Variants in ST3GAL5 observed in about 807,000 individuals in gnomAD.
The protein encoded by ST3GAL5 is lactosylceramide alpha-2,3-sialyltransferase.
ST3GAL5 carries 25 observed loss-of-function variants against 46.1 expected under a neutral mutation model. The observed-to-expected ratio is 0.54, with a 90% CI of 0.40 to 0.76. The LOEUF is 0.76. Ranked by LOEUF, ST3GAL5 falls within the 30% of genes least tolerant of loss-of-function variation. The pLI is 0.00. For missense variants in ST3GAL5, 431 were observed against 521.2 expected, an observed-to-expected ratio of 0.83 and a Z score of 1.69; for synonymous variants, 182 against 192.7, an observed-to-expected ratio of 0.94 and a Z score of 0.46.
intron 2 of ST3GAL5, among the ~76,000 whole-genome samples, chr2:85,861,543 T>C (rs1170648208): frequency 6.6e-6 from 1 of 150,818 alleles, no homozygotes; most frequent in Non-Finnish European, 1.5e-5. Context: ...TGTAACAAAA[T>C]CTGAATCACA....
chr2:85,861,853 A>G (rs1275498294), intron 2 of ST3GAL5, among the ~76,000 whole-genome samples: 1 of 151,902 alleles, frequency 6.6e-6, no homozygotes, highest in Non-Finnish European at 1.5e-5. Flanking sequence ...GACTTGGAGA[A>G]AAGAGCTGAG....
intron 1 of ST3GAL5, among the ~76,000 whole-genome samples, chr2:85,882,480 C>G (rs1687269493): frequency 6.6e-6 from 1 of 152,128 alleles, no homozygotes; most frequent in African/African-American, 2.4e-5. Flanking sequence ...TGGAAACTTA[C>G]CTCTTGTATC....
chr2:85,888,835 G>A lies in ST3GAL5; in HGVS notation c.71C>T (p.Pro24Leu). The A allele has an allele frequency of 1.6e-6, 2 of 1,280,926 alleles. No homozygotes were observed. The highest frequency in any genetic ancestry group is 2.0e-6 in the Non-Finnish European group (2 of 1,013,330). The allele number at this position is 1,280,926 out of a possible 1,614,324, so 79.3% of individuals were successfully genotyped here. Reference protein sequence around the residue: ...LQPRTEAAAAPAGRAMPSEYT... With the variant: ...LQPRTEAAAALAGRAMPSEYT... ...GCTGCGCCACGTACCTCGGCCGGCA[G>A]GTGCCGCCGCTGCCTCGGTCCGCGG... is the stretch of plus-strand genomic sequence containing the variant. The change falls in exon 1 of 7, where the codon CCT becomes CTT. Residue 24 changes from proline (P) to leucine (L), a missense_variant. Coordinates refer to ENST00000638572, the MANE Select transcript of ST3GAL5 (RefSeq NM_003896.4).
intron 1 of ST3GAL5, among the ~76,000 whole-genome samples, chr2:85,877,513 T>C (rs901577447): frequency 2.6e-5 from 4 of 152,238 alleles, no homozygotes; most frequent in African/African-American, 7.2e-5. Flanking sequence ...ATCACAGAAG[T>C]GATCCTGTGC....
In ST3GAL5 at chr2:85,839,781, T is replaced by G. The variant is rs886056389; in HGVS notation, c.*363A>C. The stretch of plus-strand genomic sequence containing the variant: ...CAGGGCCACCATCAAAAGAGTGACC[T>G]CCCCTCTCCTTCCAATTAGTTACCT... On this transcript the variant is annotated 3_prime_UTR_variant, in exon 7 of 7. Transcript: ENST00000638572. 5 of 336,682 alleles carry G rather than the reference T, an allele frequency of 1.5e-5. No homozygotes were observed. Among genetic ancestry groups the G allele is most frequent in the Non-Finnish European group, 5.7e-6 (1 of 174,074 alleles). 20.9% of individuals were successfully genotyped at this position (336,682 alleles called of 1,614,324 possible).
intron 1 of ST3GAL5, 61 bp downstream of exon 1, chr2:85,888,763 G>C: frequency 8.8e-7 from 1 of 1,140,314 alleles, no homozygotes; most frequent in Non-Finnish European, 1.1e-6. Context: ...GAGACAAGTC[G>C]CCGCCGCAGC....
At chr2:85,857,624 G>C (rs1684290636) in intron 3 of ST3GAL5, among the ~76,000 whole-genome samples, 1 of 151,722 alleles carries the variant, frequency 6.6e-6, no homozygotes, top group Non-Finnish European at 1.5e-5. Context: ...AAAATACATA[G>C]AGTTGGGACA....
At chr2:85,867,756 A>T in intron 1 of ST3GAL5, 1 of 724,896 alleles carries the variant, frequency 1.4e-6, no homozygotes, top group East Asian at 2.6e-5. Context: ...AAAATGCAAG[A>T]ATTTGCCGAA....
chr2:85,866,275 T>C (rs1415050385), intron 1 of ST3GAL5: 2 of 152,234 alleles, frequency 1.3e-5, no homozygotes, highest in African/African-American at 4.8e-5. Context: ...AGCCATAAGA[T>C]GAAAACCTGC....
chr2:85,862,952 C>T (rs1573650350), intron 2 of ST3GAL5, among the ~76,000 whole-genome samples: 1 of 152,296 alleles, frequency 6.6e-6, no homozygotes, highest in East Asian at 1.9e-4. Context: ...AAACACCTGT[C>T]ATCATTTTTA....
intron 1 of ST3GAL5, among the ~76,000 whole-genome samples, chr2:85,883,233 T>C (rs113102342): frequency 0.016 from 2,444 of 152,278 alleles, 52 homozygotes; most frequent in African/African-American, 0.056. Flanking sequence ...GGGGAGGTAA[T>C]TGAATCATGG....
chr2:85,856,168 C>T (rs1019003854), intron 3 of ST3GAL5: 1 of 152,056 alleles, frequency 6.6e-6, no homozygotes, highest in African/African-American at 2.4e-5. Flanking sequence ...TTCATAATAG[C>T]CAAAAGTGGA....
intron 3 of ST3GAL5, chr2:85,851,211 A>G: frequency 9.6e-7 from 1 of 1,040,168 alleles, no homozygotes; most frequent in Non-Finnish European, 1.2e-6. Flanking sequence ...CACCACGCCC[A>G]GCCCAAACTT....
intron 3 of ST3GAL5, 167 bp from the exon 4 acceptor site, chr2:85,848,371 G>A: frequency 6.4e-7 from 1 of 1,553,578 alleles, no homozygotes; most frequent in Non-Finnish European, 8.7e-7. Flanking sequence ...TCAGAAACTT[G>A]AAGAAACAAC....
Position 85,888,906 on chromosome 2 carries a change from A to G in ST3GAL5, c.-1T>C, listed in dbSNP as rs1382691864. 2.9e-6 allele frequency: 4 copies of G among 1,361,688 alleles called. No individual in the cohort carries two copies. In the Admixed American group the frequency reaches 1.1e-4, roughly 37 times the overall value. The allele number at this position is 1,361,688 out of a possible 1,614,324, so 84.4% of individuals were successfully genotyped here. A position where few individuals can be genotyped will look rare whatever the true frequency, so the allele number is the denominator to read the frequency against. On this transcript the variant is annotated 5_prime_UTR_variant, in exon 1 of 7. Transcript: ENST00000638572. ...CGCAGCCCGCCGCCTTCGTCCGCAT[A>G]CTAATGAGGGGGCGCCGGCCGGCCG...
At chr2:85,874,666 T>G (rs184927377) in intron 1 of ST3GAL5, among the ~76,000 whole-genome samples, 69 of 152,010 alleles carry the variant, frequency 4.5e-4, no homozygotes, top group African/African-American at 1.6e-3. Flanking sequence ...AATATAAGAC[T>G]CCCAGCTTAG....
intron 3 of ST3GAL5, chr2:85,854,132 T>C (rs1452314248): frequency 6.6e-6 from 1 of 152,202 alleles, no homozygotes; most frequent in Non-Finnish European, 1.5e-5. Context: ...CTCCTTTACT[T>C]ATTTCCGTAT....
In ST3GAL5 at chr2:85,863,498, G is replaced by A. The variant is rs761745299; in HGVS notation, c.83-13C>T. ...TCACTTGGCATTGCTGTGAAGAGAG[G>A]CGAAGAGGGCAGTGGGGAAAAAGAG... On this transcript the variant is annotated splice_polypyrimidine_tract_variant and intron_variant, in intron 1 of 6. Coordinates refer to ENST00000638572, the MANE Select transcript of ST3GAL5 (RefSeq NM_003896.4). The A allele has an allele frequency of 6.2e-7, 1 of 1,614,156 alleles. No homozygotes were observed. Among genetic ancestry groups the A allele is most frequent in the South Asian group, 1.1e-5 (1 of 91,078 alleles).
intron 1 of ST3GAL5, among the ~76,000 whole-genome samples, chr2:85,869,357 TGTGA>T (rs10553932): frequency 0.44 from 66,263 of 150,608 alleles, 14,994 homozygotes; most frequent in Admixed American, 0.54. Flanking sequence ...GTGGTGCAAT[TGTGA>T]GTGAGTTTAT....
Sources: gnomAD v4.1 joint callset for allele counts (sites outside exome capture counted in the v4.1 genomes callset) on GRCh38, gnomAD v4.1.1 for gene constraint, MANE v1.5 for transcripts, NCBI Gene and HGNC (gene_info 2026-07-23, HGNC 2026-07-21) for gene names.